ELP1: variants seen among roughly 807,000 people sequenced by gnomAD.
The protein encoded by ELP1 is elongator complex protein 1.
In ELP1, 131 loss-of-function variants were observed where a neutral mutation model predicts 183.2. That is an observed-to-expected ratio of 0.72 (90% CI 0.62 to 0.83). The LOEUF (loss-of-function observed/expected upper bound fraction) is 0.83, where lower values mean the gene tolerates loss of function less well. Ranked by LOEUF, ELP1 falls within the 40% of genes least tolerant of loss-of-function variation. The probability of loss-of-function intolerance (pLI) is 0.00; values close to 1 mark genes in which losing one functional copy is unlikely to be tolerated. For missense variants in ELP1, 1,550 were observed against 1,594.9 expected, an observed-to-expected ratio of 0.97 and a Z score of 0.48; for synonymous variants, 555 against 569.0, an observed-to-expected ratio of 0.98 and a Z score of 0.35.
In ELP1 at chr9:108,931,120, G is replaced by T. The variant is rs963698427; in HGVS notation, c.27C>A (p.Thr9=). 7 of 1,614,016 alleles carry T rather than the reference G, an allele frequency of 4.3e-6. No individual in the cohort carries two copies. In the South Asian group the frequency reaches 5.5e-5, roughly 13 times the overall value. Residue 9 remains threonine, a synonymous_variant, in exon 2 of 37, where the codon ACC becomes ACA. Transcript: ENST00000374647. MRNLKLFR[T]LEFRDIQGPG... is the part of the protein sequence containing the mutation. Reference sequence around the variant, plus strand: ...GACCTTGAATATCCCTGAACTCCAGGGTCCGAAATAATTTCAGATTTCGCA... The same window carrying T: ...GACCTTGAATATCCCTGAACTCCAGTGTCCGAAATAATTTCAGATTTCGCA...
chr9:108,896,822 G>T, intron 24 of ELP1, 131 bp downstream of exon 24: 1 of 1,065,892 alleles, frequency 9.4e-7, no homozygotes, highest in Non-Finnish European at 1.5e-6. Flanking sequence ...AACTGACAAG[G>T]GTCTTAAAAT....
intron 36 of ELP1, among the ~76,000 whole-genome samples, chr9:108,873,927 A>T (rs10979582): frequency 0.42 from 63,265 of 151,920 alleles, 15,665 homozygotes; most frequent in African/African-American, 0.69. Flanking sequence ...ATACCAAAAG[A>T]ACCTTGCCAT....
chr9:108,916,290 T>C lies in ELP1; in HGVS notation c.872A>G (p.Asp291Gly). Residue 291 changes from aspartate to glycine, a missense_variant, in exon 10 of 37, where the codon GAC becomes GGC. Asp to Gly is a moderately conservative substitution (Grantham distance 94). Transcript: ENST00000374647. ...AGAGGAATCTGCATTCCAGAGCAAG[T>C]CATTTACCTAGAAGGGAAAAAAGAT... is the stretch of plus-strand genomic sequence containing the variant. ...PFLKDEVKVNDLLWNADSSVL... is the reference protein window; with the variant it reads ...PFLKDEVKVNGLLWNADSSVL... The C allele has an allele frequency of 1.2e-6, 2 of 1,613,294 alleles. No homozygotes were observed. The highest frequency in any genetic ancestry group is 2.2e-5 in the East Asian group (1 of 44,868).
chr9:108,895,468 C>T (rs955931241), intron 25 of ELP1, among the ~76,000 whole-genome samples: 1 of 152,000 alleles, frequency 6.6e-6, no homozygotes, highest in Admixed American at 6.5e-5. Flanking sequence ...AGTAATGCTG[C>T]CCACCAAGGC....
At chr9:108,897,333 A>G in intron 22 of ELP1, 48 bp from the exon 23 acceptor site, 1 of 1,608,254 alleles carries the variant, frequency 6.2e-7, no homozygotes, top group Non-Finnish European at 8.5e-7. Flanking sequence ...CATGTAGCCC[A>G]GCGATCAAAT....
At chr9:108,877,694 T>A (rs1206767017) in intron 35 of ELP1, among the ~76,000 whole-genome samples, 1 of 152,062 alleles carries the variant, frequency 6.6e-6, no homozygotes, top group Non-Finnish European at 1.5e-5. Context: ...TCTTCCCCCA[T>A]CTCTCCCCAC....
At chr9:108,930,937 T>C (rs2132052570) in intron 2 of ELP1, 60 bp downstream of exon 2, 2 of 1,554,746 alleles carry the variant, frequency 1.3e-6, no homozygotes, top group East Asian at 4.5e-5. Flanking sequence ...GGAAAGAAAT[T>C]TGGAAGAAGA....
intron 28 of ELP1, among the ~76,000 whole-genome samples, chr9:108,890,788 G>A (rs1486193733): frequency 1.3e-5 from 2 of 152,260 alleles, no homozygotes; most frequent in East Asian, 3.9e-4. Flanking sequence ...CCAGCTACAT[G>A]GCGTGGCCGA....
chr9:108,898,077 T>C (rs891680472), intron 22 of ELP1, among the ~76,000 whole-genome samples: 3 of 152,178 alleles, frequency 2.0e-5, no homozygotes, highest in African/African-American at 7.2e-5. Flanking sequence ...AGAATGAGAA[T>C]GTGTATACAG....
intron 14 of ELP1, among the ~76,000 whole-genome samples, chr9:108,904,245 A>ATT (rs57450962): frequency 0.25 from 32,419 of 132,302 alleles, 4,997 homozygotes; most frequent in Non-Finnish European, 0.33. Flanking sequence ...AAATTTCACT[A>ATT]TTTTTTTTTT....
chr9:108,880,153 T>C lies in ELP1; in HGVS notation c.3359A>G (p.Tyr1120Cys). ...KPSILEAQKN[Y>C]MAFLDSQTAT... ...TGTCTGAGAGTCCAGAAATGCCATA[T>C]AATTTTTCTGGGCTGGAGATGCAGA... The change falls in exon 32 of 37, where the codon TAT becomes TGT. Residue 1120 changes from tyrosine (Y) to cysteine (C), a missense_variant. Tyr to Cys is a radical substitution (Grantham distance 194, BLOSUM62 -2). Coordinates refer to ENST00000374647, the MANE Select transcript of ELP1 (RefSeq NM_003640.5). 3 of 1,612,606 alleles carry C rather than the reference T, an allele frequency of 1.9e-6. No homozygotes were observed. The highest frequency in any genetic ancestry group is 2.2e-5 in the South Asian group (2 of 91,054).
At chr9:108,878,808 G>T (rs146478612) in intron 33 of ELP1, 58 bp from the exon 34 acceptor site, 24 of 1,589,644 alleles carry the variant, frequency 1.5e-5, no homozygotes, top group Non-Finnish European at 2.0e-5. Context: ...CTACAGGCAT[G>T]TGCTACCTTG....
intron 31 of ELP1, 139 bp from the exon 32 acceptor site, chr9:108,880,304 C>T (rs140712847): frequency 2.9e-6 from 2 of 679,900 alleles, no homozygotes; most frequent in African/African-American, 1.8e-5. Context: ...GCTCTTTTTC[C>T]TTAATAAGCA....
chr9:108,879,615 T>A, intron 32 of ELP1, 58 bp from the exon 33 acceptor site: 1 of 1,246,280 alleles, frequency 8.0e-7, no homozygotes, highest in Non-Finnish European at 1.2e-6. Context: ...GTGGGTTTAC[T>A]TTCAGGGCGG....
intron 13 of ELP1, among the ~76,000 whole-genome samples, chr9:108,907,689 T>G (rs1157939882): frequency 6.6e-6 from 1 of 152,192 alleles, no homozygotes; most frequent in Admixed American, 6.5e-5. Context: ...TTACCTAACC[T>G]CTACACTTTG....
rs1827307583 is a variant in ELP1 at position 108,868,230 on chromosome 9, T to A, written c.*885A>T. The A allele has an allele frequency of 6.6e-6, 1 of 152,466 alleles. No homozygotes were observed. The highest frequency in any genetic ancestry group is 2.4e-5 in the African/African-American group (1 of 41,480). 9.4% of individuals were successfully genotyped at this position (152,466 alleles called of 1,614,324 possible). ...AAGTGGGCGTTTTCTAGACTCACCA[T>A]GAAAATAAAATATTCTCATTTTGAG... On this transcript the variant is annotated 3_prime_UTR_variant, in exon 37 of 37. Coordinates refer to ENST00000374647, the MANE Select transcript of ELP1 (RefSeq NM_003640.5).
At chr9:108,927,635 A>C (rs767430146) in intron 3 of ELP1, among the ~76,000 whole-genome samples, 182 bp from the exon 4 acceptor site, 4 of 152,264 alleles carry the variant, frequency 2.6e-5, no homozygotes, top group Admixed American at 2.6e-4. Context: ...GAAGCAACCT[A>C]AGTGTCCATC....
intron 31 of ELP1, 59 bp from the exon 32 acceptor site, chr9:108,880,224 A>G: frequency 8.9e-7 from 1 of 1,121,976 alleles, no homozygotes; most frequent in Non-Finnish European, 1.4e-6. Flanking sequence ...AGAAAAAACT[A>G]AAGGCGGGGA....
intron 29 of ELP1, among the ~76,000 whole-genome samples, chr9:108,886,812 A>G (rs1828140650): frequency 6.6e-6 from 1 of 151,974 alleles, no homozygotes; most frequent in African/African-American, 2.4e-5. Flanking sequence ...GAGCATGGCT[A>G]TGCTCCAATA....
Sources: allele counts gnomAD v4.1 joint callset (sites outside exome capture counted in the v4.1 genomes callset), GRCh38; gene constraint gnomAD v4.1.1; transcripts MANE v1.5; gene names NCBI Gene and HGNC (gene_info 2026-07-23, HGNC 2026-07-21).